NTN1: variants seen among roughly 807,000 people sequenced by gnomAD.
The protein encoded by NTN1 is netrin-1.
Under a neutral mutation model 54.2 loss-of-function variants are expected in NTN1, and 11 were observed. That is an observed-to-expected ratio of 0.20 (90% CI 0.13 to 0.34). The LOEUF (loss-of-function observed/expected upper bound fraction) is 0.34, where lower values mean the gene tolerates loss of function less well. Among genes scored for constraint, NTN1 ranks in the 10% least tolerant of loss-of-function variants. The pLI is 1.00. For missense variants in NTN1, 740 were observed against 893.1 expected, an observed-to-expected ratio of 0.83 and a Z score of 2.18; for synonymous variants, 371 against 382.0, an observed-to-expected ratio of 0.97 and a Z score of 0.33.
At chr17:9,124,285 G>A (rs2092239440) in intron 2 of NTN1, among the ~76,000 whole-genome samples, 3 of 152,244 alleles carry the variant, frequency 2.0e-5, no homozygotes, top group Non-Finnish European at 4.4e-5. Context: ...AATTCAGGGT[G>A]GAAATGTGGC....
In NTN1 at chr17:9,023,404, C is replaced by A; in HGVS notation, c.1018+13C>A. ...AACGAGTGCGTGGGTGAGTGGGGTG[C>A]GGCGGCGGAGCCGGCGGCGGGTGGG... is the stretch of plus-strand genomic sequence containing the variant. On this transcript the variant is annotated intron_variant, in intron 2 of 6. Transcript: ENST00000173229. The A allele has an allele frequency of 7.4e-7, 1 of 1,355,478 alleles. No homozygotes were observed. The highest frequency in any genetic ancestry group is 9.4e-7 in the Non-Finnish European group (1 of 1,059,856). 84.0% of individuals were successfully genotyped at this position (1,355,478 alleles called of 1,614,324 possible).
At chr17:9,048,942 C>T (rs1157421563) in intron 2 of NTN1, among the ~76,000 whole-genome samples, 1 of 152,202 alleles carries the variant, frequency 6.6e-6, no homozygotes, top group African/African-American at 2.4e-5. Flanking sequence ...AGGCATGAGC[C>T]ACCGCGCCCG....
intron 5 of NTN1, among the ~76,000 whole-genome samples, chr17:9,184,035 C>G (rs559128026): frequency 2.6e-5 from 4 of 152,186 alleles, no homozygotes; most frequent in African/African-American, 9.7e-5. Context: ...TTGCCTCCCC[C>G]AGAAAGGACT....
chr17:9,112,943 C>T (rs913934108), intron 2 of NTN1, among the ~76,000 whole-genome samples: 6 of 151,736 alleles, frequency 4.0e-5, no homozygotes, highest in Admixed American at 2.6e-4. Context: ...AGATACGATT[C>T]GTTCAGGTAA....
chr17:9,213,462 T>A (rs1905154550), intron 5 of NTN1, among the ~76,000 whole-genome samples: 2 of 152,318 alleles, frequency 1.3e-5, no homozygotes, highest in Admixed American at 1.3e-4. Context: ...GGAGCAAGTA[T>A]GTCCTGGCAG....
intron 2 of NTN1, among the ~76,000 whole-genome samples, chr17:9,069,527 A>T (rs2092026236): frequency 6.6e-6 from 1 of 152,258 alleles, no homozygotes; most frequent in Non-Finnish European, 1.5e-5. Flanking sequence ...AAACAAAATA[A>T]TGAAGCCAAG....
At chr17:9,028,473 G>A (rs1214150019) in intron 2 of NTN1, among the ~76,000 whole-genome samples, 1 of 152,132 alleles carries the variant, frequency 6.6e-6, no homozygotes, top group East Asian at 1.9e-4. Flanking sequence ...CTTCTGGGGT[G>A]GGTCTGCGTG....
chr17:9,075,192 G>A (rs570498164), intron 2 of NTN1, among the ~76,000 whole-genome samples: 1 of 152,280 alleles, frequency 6.6e-6, no homozygotes, highest in Non-Finnish European at 1.5e-5. Flanking sequence ...TCTATAAAAT[G>A]GGGTTCAGCT....
chr17:9,091,743 G>A (rs570733807), intron 2 of NTN1, among the ~76,000 whole-genome samples: 9 of 151,026 alleles, frequency 6.0e-5, no homozygotes, highest in South Asian at 2.1e-4. Context: ...GTGAGCCACC[G>A]TGTCCGGCCC....
At chr17:9,108,668 A>G (rs760785906) in intron 2 of NTN1, among the ~76,000 whole-genome samples, 11 of 152,194 alleles carry the variant, frequency 7.2e-5, no homozygotes, top group African/African-American at 1.2e-4. Flanking sequence ...CCTCAGGTCC[A>G]TCTCCAAATC....
intron 2 of NTN1, among the ~76,000 whole-genome samples, chr17:9,052,129 T>C (rs2091962705): frequency 6.6e-6 from 1 of 152,040 alleles, no homozygotes; most frequent in Admixed American, 6.5e-5. Context: ...CGCGCCACCA[T>C]GCCTGGCTAA....
chr17:9,111,737 GAGAAA>G, intron 2 of NTN1, among the ~76,000 whole-genome samples: 1 of 152,178 alleles, frequency 6.6e-6, no homozygotes. Context: ...AAGTAAACTA[GAGAAA>G]AGAAAATGTT....
At chr17:9,233,927 C>T (rs1905896048) in intron 6 of NTN1, among the ~76,000 whole-genome samples, 2 of 152,196 alleles carry the variant, frequency 1.3e-5, no homozygotes, top group East Asian at 1.9e-4. Context: ...TACTTCTGCC[C>T]TCCTTGCCCA....
chr17:9,182,880 TCTC>T (rs754616343), intron 4 of NTN1, 33 bp from the exon 5 acceptor site: 2 of 1,609,838 alleles, frequency 1.2e-6, no homozygotes, highest in South Asian at 2.2e-5. Flanking sequence ...CCTTGTTTTC[TCTC>T]CTCCCCTCGC....
At chr17:9,085,712 C>T (rs1297306280) in intron 2 of NTN1, among the ~76,000 whole-genome samples, 1 of 152,196 alleles carries the variant, frequency 6.6e-6, no homozygotes, top group Non-Finnish European at 1.5e-5. Flanking sequence ...GGGGCCCACA[C>T]ACAGTTGGGT....
At chr17:9,035,878 C>G (rs150774000) in intron 2 of NTN1, among the ~76,000 whole-genome samples, 2 of 152,030 alleles carry the variant, frequency 1.3e-5, no homozygotes, top group African/African-American at 4.8e-5. Context: ...AAAAATTAGC[C>G]GGGTATGGTG....
At chr17:9,227,487 ACACATG>A (rs1395426661) in intron 6 of NTN1, among the ~76,000 whole-genome samples, 2 of 140,204 alleles carry the variant, frequency 1.4e-5, no homozygotes, top group African/African-American at 2.9e-5. Context: ...CATAGCACAC[ACACATG>A]CACATACACA....
intron 5 of NTN1, chr17:9,183,734 C>T (rs563493382): frequency 1.1e-5 from 2 of 180,128 alleles, no homozygotes; most frequent in Non-Finnish European, 2.4e-5. Flanking sequence ...TTATTAATTT[C>T]CTTTGTAGAC....
chr17:9,089,416 A>G (rs1461430288), intron 2 of NTN1, among the ~76,000 whole-genome samples: 1 of 35,546 alleles, frequency 2.8e-5, no homozygotes, highest in Non-Finnish European at 8.0e-5. Flanking sequence ...TTCCATCTAA[A>G]AAAAAAAAAA....
Sources: gnomAD v4.1 joint callset for allele counts (sites outside exome capture counted in the v4.1 genomes callset) on GRCh38, gnomAD v4.1.1 for gene constraint, MANE v1.5 for transcripts, NCBI Gene and HGNC (gene_info 2026-07-23, HGNC 2026-07-21) for gene names.